Variants in CNTN5 observed in about 807,000 individuals in gnomAD.
CNTN5 encodes the protein contactin 5, also known as contactin-5.
A neutral mutation model predicts 129.1 loss-of-function variants in CNTN5; 77 were observed. The ratio of observed to expected loss-of-function variants is 0.60; its 90% CI spans 0.50 to 0.72. The LOEUF (loss-of-function observed/expected upper bound fraction) is 0.72, where lower values mean the gene tolerates loss of function less well. Ranked by LOEUF, CNTN5 falls within the 30% of genes least tolerant of loss-of-function variation. The pLI, the probability that CNTN5 is intolerant of heterozygous loss-of-function variation, is 0.00. For synonymous variants in CNTN5, 509 were observed against 465.6 expected, an observed-to-expected ratio of 1.09 and a Z score of -1.20; for missense variants, 1,478 against 1,328.8, an observed-to-expected ratio of 1.11 and a Z score of -1.75.
At chr11:99,670,555 A>G (rs1389797542) in intron 3 of CNTN5, among the ~76,000 whole-genome samples, 1 of 152,182 alleles carries the variant, frequency 6.6e-6, no homozygotes, top group East Asian at 1.9e-4. Context: ...GCTGCATGGG[A>G]AAAACCACCT....
intron 8 of CNTN5, among the ~76,000 whole-genome samples, chr11:99,981,076 G>GGA (rs1555171276): frequency 9.7e-4 from 12 of 12,334 alleles, no homozygotes; most frequent in South Asian, 0.012. Flanking sequence ...AGAGCCAATA[G>GGA]GATATATATA....
At chr11:99,694,083 T>C (rs1251828337) in intron 3 of CNTN5, among the ~76,000 whole-genome samples, 1 of 151,708 alleles carries the variant, frequency 6.6e-6, no homozygotes, top group Non-Finnish European at 1.5e-5. Flanking sequence ...AGTACTTTGA[T>C]GTTGTTGGAA....
At chr11:99,701,679 T>A (rs1954526258) in intron 3 of CNTN5, among the ~76,000 whole-genome samples, 2 of 151,098 alleles carry the variant, frequency 1.3e-5, no homozygotes, top group Admixed American at 6.6e-5. Context: ...AGAAAATGTT[T>A]AATTTTCATT....
rs1438822534 is a variant in CNTN5, at chr11:100,110,734, C to T, written c.1580+36440C>T. Among the ~76,000 whole-genome samples, 5 of 152,270 alleles carry T rather than the reference C, an allele frequency of 3.3e-5. No homozygotes were observed. In the South Asian group the frequency reaches 6.2e-4, roughly 19 times the overall value. ...TAAATGTCCAATGACAAATCTGATT[C>T]CACCAATTGCATCTTTAGAATCAGA... On this transcript the variant is annotated intron_variant, in intron 13 of 24. Transcript: ENST00000524871.
chr11:99,838,511 A>T (rs1947375405), intron 4 of CNTN5, among the ~76,000 whole-genome samples: 1 of 152,180 alleles, frequency 6.6e-6, no homozygotes, highest in South Asian at 2.1e-4. Flanking sequence ...GCAATTTAAA[A>T]CAACAATCAA....
At chr11:99,511,830 T>TTAAA (rs968903175) in intron 2 of CNTN5, among the ~76,000 whole-genome samples, 15 of 150,402 alleles carry the variant, frequency 1.0e-4, no homozygotes, top group Admixed American at 4.0e-4. Flanking sequence ...ATAATAAAAT[T>TTAAA]TAAATAAATA....
At chr11:99,543,660 G>A (rs1948185280) in intron 2 of CNTN5, among the ~76,000 whole-genome samples, 1 of 152,262 alleles carries the variant, frequency 6.6e-6, no homozygotes, top group Admixed American at 6.5e-5. Flanking sequence ...GCTCATGCCT[G>A]TAATCCCAGC....
rs1054774884 is a variant in CNTN5, at chr11:99,889,921, T to A, written c.578-26133T>A. Reference sequence around the variant, plus strand: ...AAATAACTTATCTAAAAATTATTTTTAAAAATTATATTCTACATACTGATT... The same window carrying A: ...AAATAACTTATCTAAAAATTATTTTAAAAAATTATATTCTACATACTGATT... On this transcript the variant is annotated intron_variant, in intron 6 of 24. Transcript: ENST00000524871. Among the ~76,000 whole-genome samples the A allele has an allele frequency of 3.3e-5, 5 of 152,292 alleles. No individual in the cohort carries two copies. In the East Asian group the frequency reaches 5.8e-4, roughly 18 times the overall value.
chr11:99,973,437 A>G (rs1159027586), intron 8 of CNTN5, among the ~76,000 whole-genome samples: 3 of 152,058 alleles, frequency 2.0e-5, no homozygotes, highest in Non-Finnish European at 2.9e-5. Context: ...CTTTGCTTCG[A>G]CAGTCTTTCT....
intron 3 of CNTN5, among the ~76,000 whole-genome samples, chr11:99,778,883 G>T (rs577128833): frequency 6.6e-6 from 1 of 150,440 alleles, no homozygotes; most frequent in South Asian, 2.1e-4. Flanking sequence ...AAAGAATATG[G>T]TAAATTAATT....
intron 1 of CNTN5, among the ~76,000 whole-genome samples, chr11:99,061,362 G>T (rs1372042410): frequency 6.6e-6 from 1 of 152,138 alleles, no homozygotes; most frequent in Admixed American, 6.6e-5. Flanking sequence ...ATGGCAGTAT[G>T]TGGAAAGCTG....
intron 1 of CNTN5, among the ~76,000 whole-genome samples, chr11:99,088,817 A>G (rs969349351): frequency 8.5e-5 from 13 of 152,180 alleles, no homozygotes; most frequent in Non-Finnish European, 1.2e-4. Context: ...TATCCTTGCA[A>G]GATGTTTACT....
At chr11:99,083,130 A>G (rs1865875514) in intron 1 of CNTN5, among the ~76,000 whole-genome samples, 1 of 152,122 alleles carries the variant, frequency 6.6e-6, no homozygotes, top group Non-Finnish European at 1.5e-5. Context: ...TTTATTTTTT[A>G]AATCTTCCCT....
chr11:100,185,574 A>T (rs1429445152), intron 13 of CNTN5, among the ~76,000 whole-genome samples: 1 of 152,206 alleles, frequency 6.6e-6, no homozygotes, highest in Non-Finnish European at 1.5e-5. Context: ...TTTTGGAAGC[A>T]GAGGAAGGAC....
chr11:100,259,874 C>T (rs1950160235), intron 17 of CNTN5, among the ~76,000 whole-genome samples: 1 of 151,178 alleles, frequency 6.6e-6, no homozygotes, highest in African/African-American at 2.4e-5. Context: ...CATAAAATCA[C>T]AATTAAAAGA....
At chr11:99,571,029 G>C (rs1169825229) in intron 3 of CNTN5, among the ~76,000 whole-genome samples, 1 of 152,162 alleles carries the variant, frequency 6.6e-6, no homozygotes, top group Non-Finnish European at 1.5e-5. Flanking sequence ...CAAAGAGTCT[G>C]TGACAAGAAG....
intron 2 of CNTN5, among the ~76,000 whole-genome samples, chr11:99,501,955 G>T (rs1055889483): frequency 6.6e-6 from 1 of 152,102 alleles, no homozygotes; most frequent in African/African-American, 2.4e-5. Flanking sequence ...TCATAATCAG[G>T]TCATCAACCA....
intron 13 of CNTN5, among the ~76,000 whole-genome samples, chr11:100,144,340 C>T (rs759538047): frequency 6.6e-6 from 1 of 151,590 alleles, no homozygotes; most frequent in African/African-American, 2.4e-5. Flanking sequence ...AACATAGTAC[C>T]CCATAGGTAG....
chr11:99,751,879 G>A (rs1944248058), intron 3 of CNTN5, among the ~76,000 whole-genome samples: 1 of 152,102 alleles, frequency 6.6e-6, no homozygotes. Flanking sequence ...TTATAAAAGA[G>A]GCTTCACATA....
Sources: gnomAD v4.1 joint callset for allele counts (sites outside exome capture counted in the v4.1 genomes callset) on GRCh38, gnomAD v4.1.1 for gene constraint, MANE v1.5 for transcripts, NCBI Gene and HGNC (gene_info 2026-07-23, HGNC 2026-07-21) for gene names.